GLIS3: variants seen among roughly 807,000 people sequenced by gnomAD.
GLIS3 encodes the protein GLIS family zinc finger 3, also known as zinc finger protein GLIS3.
A neutral mutation model predicts 78.6 loss-of-function variants in GLIS3; 53 were observed. The ratio of observed to expected loss-of-function variants is 0.67; its 90% CI spans 0.54 to 0.85. The LOEUF is 0.85. Ranked by LOEUF, GLIS3 falls within the 40% of genes least tolerant of loss-of-function variation. GLIS3 has a pLI of 0.00. For missense variants in GLIS3, 1,703 were observed against 1,231.1 expected, an observed-to-expected ratio of 1.38 and a Z score of -5.74; for synonymous variants, 684 against 509.9, an observed-to-expected ratio of 1.34 and a Z score of -4.60.
intron 9 of GLIS3, among the ~76,000 whole-genome samples, chr9:3,835,199 C>A (rs1179508737): frequency 1.3e-5 from 2 of 152,226 alleles, no homozygotes; most frequent in Non-Finnish European, 1.5e-5. Flanking sequence ...CACCACCAAA[C>A]TGTGGGCACT....
rs149305068 is a variant in GLIS3 at position 4,190,028 on chromosome 9, T to C, written c.389-64087A>G. On this transcript the variant is annotated intron_variant, in intron 2 of 10. Transcript: ENST00000381971. ...AAAGGACATCCACACCAAAAACCCA[T>C]TGGTACATCACCATCATCAAAGACC... Among the ~76,000 whole-genome samples the C allele has an allele frequency of 4.3e-3, 652 of 152,174 alleles. 6 individuals are homozygous for C. The highest frequency in any genetic ancestry group is 0.015 in the African/African-American group (615 of 41,514).
At chr9:4,193,922 G>C (rs374245989) in intron 2 of GLIS3, among the ~76,000 whole-genome samples, 12 of 152,312 alleles carry the variant, frequency 7.9e-5, no homozygotes, top group South Asian at 4.1e-4. Flanking sequence ...CCAATCATGT[G>C]GTAAGCGTGC....
rs1311215845 is a variant in GLIS3 at position 3,828,366 on chromosome 9, G to T, written c.2699C>A (p.Ser900Tyr). 2.5e-6 allele frequency: 4 copies of T among 1,613,666 alleles called. No homozygotes were observed. The highest frequency in any genetic ancestry group is 2.2e-5 in the South Asian group (2 of 91,076). ...AGCATCTTCAGCCCCGCTGCGGAGA[G>T]ACTCCCCAAAGAGGCTCGAGGAACT... ...PSSSSSLFGE[S>Y]LRSGAEDATF... is the part of the protein sequence containing the mutation. The change falls in exon 11 of 11, where the codon TCT becomes TAT. Residue 900 changes from serine (S) to tyrosine (Y), a missense_variant. Physicochemically the swap from Ser to Tyr is moderately radical, Grantham distance 144 (BLOSUM62 -2). Transcript: ENST00000381971.
At chr9:4,175,346 A>G (rs1014583121) in intron 2 of GLIS3, among the ~76,000 whole-genome samples, 2 of 152,248 alleles carry the variant, frequency 1.3e-5, no homozygotes, top group Admixed American at 1.3e-4. Flanking sequence ...GGAGTTGGGC[A>G]CTGGGTGAAT....
At chr9:4,321,362 C>T (rs1394328354) in intron 2 of GLIS3, among the ~76,000 whole-genome samples, 5 of 113,056 alleles carry the variant, frequency 4.4e-5, no homozygotes, top group Non-Finnish European at 6.4e-5. Flanking sequence ...GCGGAGCTTG[C>T]AGGGAGCCGA....
At chr9:3,886,414 TAAC>T (rs769429417) in intron 7 of GLIS3, among the ~76,000 whole-genome samples, 39 of 152,222 alleles carry the variant, frequency 2.6e-4, no homozygotes, top group South Asian at 6.2e-4. Flanking sequence ...GTTTAAAAGA[TAAC>T]AAGTCATTTT....
At chr9:3,902,242 A>G (rs575536831) in intron 6 of GLIS3, among the ~76,000 whole-genome samples, 8 of 152,348 alleles carry the variant, frequency 5.3e-5, no homozygotes, top group African/African-American at 1.9e-4. Flanking sequence ...AACCTTAAGT[A>G]AAATTTCCAA....
chr9:4,301,818 G>GA (rs1225946291), upstream of GLIS3, among the ~76,000 whole-genome samples: 3 of 152,068 alleles, frequency 2.0e-5, no homozygotes, highest in African/African-American at 7.2e-5. Flanking sequence ...ATAGCTCATG[G>GA]AAAAAAACAC....
intron 4 of GLIS3, among the ~76,000 whole-genome samples, chr9:3,964,680 G>A (rs977868235): frequency 2.0e-5 from 3 of 152,192 alleles, no homozygotes; most frequent in Non-Finnish European, 4.4e-5. Context: ...CTGGAAAAGA[G>A]TAAGACACAG....
the GLIS3 span, among the ~76,000 whole-genome samples, chr9:4,427,558 C>T: frequency 6.6e-6 from 1 of 152,116 alleles, no homozygotes; most frequent in Non-Finnish European, 1.5e-5. Flanking sequence ...TGCATACTTA[C>T]GTCAAATGGC....
At chr9:3,994,160 G>GA (rs1820553818) in intron 4 of GLIS3, among the ~76,000 whole-genome samples, 1 of 152,118 alleles carries the variant, frequency 6.6e-6, no homozygotes, top group African/African-American at 2.4e-5. Flanking sequence ...TTATACTCTG[G>GA]TTTCTCTTCG....
intron 2 of GLIS3, among the ~76,000 whole-genome samples, chr9:4,198,074 G>A (rs1025114092): frequency 6.6e-6 from 1 of 152,174 alleles, no homozygotes; most frequent in South Asian, 2.1e-4. Context: ...AACCAGTGCA[G>A]GAATTCTAGC....
At chr9:4,147,699 C>T (rs1231700743) in intron 2 of GLIS3, 1 of 152,126 alleles carries the variant, frequency 6.6e-6, no homozygotes, top group African/African-American at 2.4e-5. Context: ...AGTCAGCCAG[C>T]GCTGGCCAGC....
intron 1 of GLIS3, among the ~76,000 whole-genome samples, chr9:4,290,988 A>G (rs548473840): frequency 1.3e-5 from 2 of 152,260 alleles, no homozygotes; most frequent in East Asian, 3.9e-4. Flanking sequence ...AATTTTATGC[A>G]GTACAACTGA....
At chr9:3,966,823 T>C (rs918062829) in intron 4 of GLIS3, among the ~76,000 whole-genome samples, 2 of 151,308 alleles carry the variant, frequency 1.3e-5, no homozygotes, top group Admixed American at 1.3e-4. Flanking sequence ...TTTTAAGGTA[T>C]AAATTACACA....
At chr9:4,050,473 G>A (rs1319519475) in intron 4 of GLIS3, among the ~76,000 whole-genome samples, 2 of 152,160 alleles carry the variant, frequency 1.3e-5, no homozygotes, top group South Asian at 2.1e-4. Flanking sequence ...GGGAGGGATA[G>A]CGTTAGGTGA....
At chr9:4,276,317 G>A (rs1826975618) in intron 2 of GLIS3, among the ~76,000 whole-genome samples, 2 of 130,070 alleles carry the variant, frequency 1.5e-5, no homozygotes, top group South Asian at 5.8e-4. Flanking sequence ...GAAAATGGAG[G>A]GGAGGGGAGG....
chr9:4,081,761 C>A (rs1828570331), intron 4 of GLIS3, among the ~76,000 whole-genome samples: 1 of 152,192 alleles, frequency 6.6e-6, no homozygotes, highest in African/African-American at 2.4e-5. Context: ...GTGAGCTGCA[C>A]TGCAGTACAA....
chr9:4,284,558 C>G (rs1000596376), intron 2 of GLIS3, among the ~76,000 whole-genome samples: 1 of 151,638 alleles, frequency 6.6e-6, no homozygotes, highest in Non-Finnish European at 1.5e-5. Flanking sequence ...ATCAGTACCT[C>G]TAAGAAATAA....
Sources: gnomAD v4.1 joint callset for allele counts (sites outside exome capture counted in the v4.1 genomes callset) on GRCh38, gnomAD v4.1.1 for gene constraint, MANE v1.5 for transcripts, NCBI Gene and HGNC (gene_info 2026-07-23, HGNC 2026-07-21) for gene names.